FLVCR2: variants seen among roughly 807,000 people sequenced by gnomAD.
FLVCR2 encodes choline/ethanolamine transporter FLVCR2.
Under a neutral mutation model 48.9 loss-of-function variants are expected in FLVCR2, and 38 were observed. The observed-to-expected ratio is 0.78, with a 90% CI of 0.60 to 1.02. The LOEUF is 1.02. FLVCR2 is among the 50% of genes least tolerant of loss of function. The pLI, the probability that FLVCR2 is intolerant of heterozygous loss-of-function variation, is 0.00. For missense variants in FLVCR2, 664 were observed against 663.3 expected (o/e 1.00, Z -0.01); for synonymous variants, 255 against 257.0 (o/e 0.99, Z 0.07).
At chr14:75,581,079 G>A (rs1003695247) in intron 1 of FLVCR2, among the ~76,000 whole-genome samples, 4 of 152,172 alleles carry the variant, frequency 2.6e-5, no homozygotes, top group Admixed American at 2.6e-4. Flanking sequence ...AACCTACAGT[G>A]GGAGAGACTC....
At chr14:75,611,172 T>G (rs573010545) in intron 1 of FLVCR2, among the ~76,000 whole-genome samples, 11 of 152,154 alleles carry the variant, frequency 7.2e-5, no homozygotes, top group Admixed American at 6.6e-4. Context: ...ACCTGTAAAG[T>G]GTAACTGTGG....
At chr14:75,614,544 G>A (rs1382115953) in intron 1 of FLVCR2, among the ~76,000 whole-genome samples, 3 of 152,202 alleles carry the variant, frequency 2.0e-5, no homozygotes, top group African/African-American at 7.2e-5. Flanking sequence ...TGGGATAAAG[G>A]TATAGACGAG....
chr14:75,605,900 T>G, intron 1 of FLVCR2: 1 of 458,758 alleles, frequency 2.2e-6, no homozygotes, highest in South Asian at 2.4e-5. Context: ...ATACAATGAC[T>G]GGGTTGACAT....
chr14:75,645,181 A>C (rs897719412), intron 9 of FLVCR2, among the ~76,000 whole-genome samples: 1 of 152,050 alleles, frequency 6.6e-6, no homozygotes, highest in South Asian at 2.1e-4. Context: ...AGCAAGATTG[A>C]GAATGGGAAG....
Position 75,579,000 on chromosome 14 carries a change from G to A in FLVCR2, c.28G>A (p.Glu10Lys). 1 of 1,614,144 alleles carries A rather than the reference G, an allele frequency of 6.2e-7. No individual in the cohort carries two copies. ...GGTGAATGAAGGTCCCAACCAGGAA[G>A]AGAGCGATGACACCCCTGTGCCGGA... MVNEGPNQEESDDTPVPESA... is the reference protein window; with the variant it reads MVNEGPNQEKSDDTPVPESA... The change falls in exon 1 of 10, where the codon GAG becomes AAG. Residue 10 changes from glutamate to lysine, a missense_variant. Transcript: ENST00000238667.
At chr14:75,593,817 A>G (rs946780173) in intron 1 of FLVCR2, among the ~76,000 whole-genome samples, 3 of 152,216 alleles carry the variant, frequency 2.0e-5, no homozygotes, top group Non-Finnish European at 4.4e-5. Flanking sequence ...TAATTTTTTT[A>G]GCAAATGATT....
At chr14:75,605,510 T>G (rs1361929555) in intron 1 of FLVCR2, 1 of 1,532,064 alleles carries the variant, frequency 6.5e-7, no homozygotes, top group Non-Finnish European at 8.7e-7. Flanking sequence ...TTTCATGCTG[T>G]GCAAAAACTT....
intron 3 of FLVCR2, among the ~76,000 whole-genome samples, chr14:75,629,523 G>T (rs959315917): frequency 6.6e-6 from 1 of 151,772 alleles, no homozygotes; most frequent in African/African-American, 2.4e-5. Flanking sequence ...AGTAGGGTAG[G>T]GTGGGATGGA....
chr14:75,602,837 T>C (rs1323882935), intron 1 of FLVCR2, among the ~76,000 whole-genome samples: 1 of 152,192 alleles, frequency 6.6e-6, no homozygotes, highest in Non-Finnish European at 1.5e-5. Context: ...CAATTGTGTA[T>C]ATTTAACCAC....
chr14:75,584,507 T>C (rs910550835), intron 1 of FLVCR2, among the ~76,000 whole-genome samples: 1 of 152,234 alleles, frequency 6.6e-6, no homozygotes, highest in East Asian at 1.9e-4. Flanking sequence ...GGTTTTCGTC[T>C]TTACCTCGGG....
intron 1 of FLVCR2, among the ~76,000 whole-genome samples, chr14:75,596,780 G>GCCACC (rs1889031674): frequency 2.6e-5 from 2 of 78,086 alleles, no homozygotes; most frequent in African/African-American, 5.0e-5. Context: ...CTCCTCTTTT[G>GCCACC]CCCCCCCCCC....
chr14:75,631,173 C>T (rs940334778), intron 3 of FLVCR2, among the ~76,000 whole-genome samples: 3 of 152,200 alleles, frequency 2.0e-5, no homozygotes, highest in Non-Finnish European at 4.4e-5. Context: ...CCAGGATGAA[C>T]CCCTGCTCTT....
intron 1 of FLVCR2, among the ~76,000 whole-genome samples, chr14:75,597,320 G>C (rs1182545667): frequency 6.6e-6 from 1 of 151,166 alleles, no homozygotes; most frequent in Non-Finnish European, 1.5e-5. Context: ...AAGCCAGTTT[G>C]AGACTTCTGG....
At chr14:75,631,692 C>CG (rs570350825) in intron 3 of FLVCR2, 2 of 448,550 alleles carry the variant, frequency 4.5e-6, no homozygotes, top group Non-Finnish European at 9.0e-6. Context: ...TAGAGAGGAG[C>CG]GGGAGGAATG....
rs1179458713 is a variant in FLVCR2, at chr14:75,593,080, C to T, written c.669+13439C>T. ...CTCTGAGAAGTTCCAAACGTTCCCTCATCTTTTTGTCTTTTTCTGAGCCCT... is the reference window on the plus strand; with the variant it reads ...CTCTGAGAAGTTCCAAACGTTCCCTTATCTTTTTGTCTTTTTCTGAGCCCT... On this transcript the variant is annotated intron_variant, in intron 1 of 9. Coordinates refer to ENST00000238667, the MANE Select transcript of FLVCR2 (RefSeq NM_017791.3). Among the ~76,000 whole-genome samples, 5 of 152,170 alleles carry T rather than the reference C, an allele frequency of 3.3e-5. No individual in the cohort carries two copies. The South Asian group carries it at 6.2e-4, about 19-fold the overall frequency.
rs1284668816 is a variant in FLVCR2 at position 75,646,440 on chromosome 14, G to T, written c.1549G>T (p.Val517Leu). 3 of 1,614,032 alleles carry T rather than the reference G, an allele frequency of 1.9e-6. No homozygotes were observed. Among genetic ancestry groups the T allele is most frequent in the Non-Finnish European group, 2.5e-6 (3 of 1,179,912 alleles). ...GGAGGAGGAGAGCAACACCAGCAAA[G>T]TGCCCACTGCTGTGTCAGAGGATCA... The part of the protein sequence containing the change: ...EEEEESNTSK[V>L]PTAVSEDHL Residue 517 changes from valine (V) to leucine (L), a missense_variant, in exon 10 of 10, where the codon GTG (valine) becomes TTG (leucine). Coordinates refer to ENST00000238667, the MANE Select transcript of FLVCR2 (RefSeq NM_017791.3).
intron 5 of FLVCR2, among the ~76,000 whole-genome samples, chr14:75,636,321 C>T (rs770874361): frequency 5.3e-5 from 8 of 152,184 alleles, no homozygotes; most frequent in Non-Finnish European, 7.3e-5. Flanking sequence ...GAGGTGGCGA[C>T]GAGGAGCCTG....
At chr14:75,602,788 G>A (rs760560374) in intron 1 of FLVCR2, among the ~76,000 whole-genome samples, 1 of 152,096 alleles carries the variant, frequency 6.6e-6, no homozygotes, top group Non-Finnish European at 1.5e-5. Flanking sequence ...TGTACTTAAC[G>A]CTGCTGAACT....
At chr14:75,584,322 T>C (rs933328277) in intron 1 of FLVCR2, among the ~76,000 whole-genome samples, 1 of 152,216 alleles carries the variant, frequency 6.6e-6, no homozygotes, top group East Asian at 1.9e-4. Context: ...CGAGGTTGAT[T>C]AATTCCTGTT....
Sources: gnomAD v4.1 joint callset for allele counts (sites outside exome capture counted in the v4.1 genomes callset) on GRCh38, gnomAD v4.1.1 for gene constraint, MANE v1.5 for transcripts, NCBI Gene and HGNC (gene_info 2026-07-23, HGNC 2026-07-21) for gene names.